The following STAU2 variants were observed in gnomAD, a reference collection of about 807,000 sequenced individuals.
STAU2 encodes double-stranded RNA-binding protein Staufen homolog 2.
A neutral mutation model predicts 65.9 loss-of-function variants in STAU2; 20 were observed. The observed-to-expected ratio is 0.30, with a 90% CI of 0.21 to 0.44. STAU2 has a LOEUF of 0.44. Among genes scored for constraint, STAU2 ranks in the 20% least tolerant of loss-of-function variants. The pLI, the probability that STAU2 is intolerant of heterozygous loss-of-function variation, is 1.00. For synonymous variants in STAU2, 232 were observed against 233.9 expected, an observed-to-expected ratio of 0.99 and a Z score of 0.07; for missense variants, 558 against 683.9, an observed-to-expected ratio of 0.82 and a Z score of 2.05.
At chr8:73,422,453 C>T (rs1271513966) in intron 14 of STAU2, among the ~76,000 whole-genome samples, 161 bp downstream of exon 14, 1 of 152,032 alleles carries the variant, frequency 6.6e-6, no homozygotes, top group Non-Finnish European at 1.5e-5. Context: ...ATGTATATGG[C>T]CATATATACT....
At chr8:73,706,403 C>T (rs1426192852) in intron 4 of STAU2, among the ~76,000 whole-genome samples, 2 of 152,126 alleles carry the variant, frequency 1.3e-5, no homozygotes, top group African/African-American at 4.8e-5. Context: ...AGGCATGAGT[C>T]ACCATGCCCA....
intron 14 of STAU2, among the ~76,000 whole-genome samples, chr8:73,421,929 T>C (rs1816406529): frequency 6.6e-6 from 1 of 151,662 alleles, no homozygotes; most frequent in African/African-American, 2.4e-5. Context: ...GAGGTTGAAT[T>C]CTACTATATA....
intron 13 of STAU2, among the ~76,000 whole-genome samples, chr8:73,448,471 C>T (rs918240938): frequency 2.0e-5 from 3 of 152,130 alleles, no homozygotes; most frequent in Non-Finnish European, 1.5e-5. Context: ...TTAGTAGAGA[C>T]GGGGTTTCAC....
At chr8:73,618,770 G>A (rs1340247577) in intron 6 of STAU2, among the ~76,000 whole-genome samples, 2 of 152,212 alleles carry the variant, frequency 1.3e-5, no homozygotes, top group African/African-American at 4.8e-5. Context: ...GAACTAGGGT[G>A]TAGCAATGGA....
At chr8:73,709,898 TAA>T (rs1820772721) in intron 3 of STAU2, among the ~76,000 whole-genome samples, 1 of 152,126 alleles carries the variant, frequency 6.6e-6, no homozygotes, top group African/African-American at 2.4e-5. Context: ...AGCATTATAA[TAA>T]ACATTCTCAC....
At chr8:73,506,255 TC>T (rs1448518121) in intron 13 of STAU2, among the ~76,000 whole-genome samples, 1 of 152,130 alleles carries the variant, frequency 6.6e-6, no homozygotes, top group African/African-American at 2.4e-5. Flanking sequence ...CCACAAAAGT[TC>T]CCCTGTGCAC....
intron 9 of STAU2, among the ~76,000 whole-genome samples, chr8:73,606,258 C>G (rs972534294): frequency 6.6e-6 from 1 of 151,574 alleles, no homozygotes; most frequent in Non-Finnish European, 1.5e-5. Flanking sequence ...CATAATAAAT[C>G]TTCAAAATTA....
At chr8:73,742,676 AG>A (rs1166853724) in intron 1 of STAU2, among the ~76,000 whole-genome samples, 1 of 152,040 alleles carries the variant, frequency 6.6e-6, no homozygotes, top group Non-Finnish European at 1.5e-5. Context: ...ATATGAAGAC[AG>A]GCAATTCTAG....
rs146757788 is a variant in STAU2 at position 73,667,759 on chromosome 8, A to T, written c.410+5348T>A. Among the ~76,000 whole-genome samples, 72 of 152,312 alleles carry T rather than the reference A, an allele frequency of 4.7e-4. No individual in the cohort carries two copies. The East Asian group carries it at 7.5e-3, about 16-fold the overall frequency. ...TGTGGCAATGAGTAGGCATGCAATA[A>T]ATGTCTGCTGAATGAAGATGACCTC... On this transcript the variant is annotated intron_variant, in intron 6 of 14. Transcript: ENST00000524300.
chr8:73,572,508 C>T (rs1421706584), intron 12 of STAU2, among the ~76,000 whole-genome samples: 1 of 152,192 alleles, frequency 6.6e-6, no homozygotes, highest in Admixed American at 6.5e-5. Flanking sequence ...CAATAAAATA[C>T]TGGCAAACCG....
intron 4 of STAU2, among the ~76,000 whole-genome samples, chr8:73,689,381 C>A (rs1819167787): frequency 6.6e-6 from 1 of 152,210 alleles, no homozygotes; most frequent in Admixed American, 6.5e-5. Context: ...CCAACTGGAT[C>A]CAGCCTTTCA....
At chr8:73,455,756 G>T (rs1189903957) in intron 13 of STAU2, among the ~76,000 whole-genome samples, 2 of 151,994 alleles carry the variant, frequency 1.3e-5, no homozygotes. Context: ...ATCTGTTATA[G>T]TTTTTTTTAT....
intron 13 of STAU2, among the ~76,000 whole-genome samples, chr8:73,522,266 C>T: frequency 6.6e-6 from 1 of 152,148 alleles, no homozygotes. Context: ...TACTTAGTAA[C>T]ATCTAAAAGT....
chr8:73,713,623 G>A (rs1013915418), intron 3 of STAU2, among the ~76,000 whole-genome samples: 6 of 152,040 alleles, frequency 3.9e-5, no homozygotes, highest in Non-Finnish European at 7.4e-5. Context: ...TATAGACACA[G>A]GAGAAAGCAC....
At chr8:73,521,232 T>C (rs912164477) in intron 13 of STAU2, among the ~76,000 whole-genome samples, 2 of 152,180 alleles carry the variant, frequency 1.3e-5, no homozygotes, top group Non-Finnish European at 2.9e-5. Context: ...ACTAGAATAC[T>C]CATTAGATTT....
At chr8:73,591,461 A>C (rs1213927098) in intron 11 of STAU2, among the ~76,000 whole-genome samples, 1 of 152,192 alleles carries the variant, frequency 6.6e-6, no homozygotes, top group East Asian at 1.9e-4. Context: ...AACAAGACCC[A>C]ATTATATGCT....
At chr8:73,627,775 T>C (rs996598791) in intron 6 of STAU2, among the ~76,000 whole-genome samples, 1 of 146,298 alleles carries the variant, frequency 6.8e-6, no homozygotes, top group Non-Finnish European at 1.5e-5. Flanking sequence ...AAAAAAACAC[T>C]GACAGTGTGG....
At chr8:73,504,829 G>A (rs935190766) in intron 13 of STAU2, among the ~76,000 whole-genome samples, 2 of 152,028 alleles carry the variant, frequency 1.3e-5, no homozygotes, top group Admixed American at 6.6e-5. Context: ...CTTTCAAGCA[G>A]TTAGTATTCA....
At chr8:73,651,736 C>T (rs964949181) in intron 6 of STAU2, 10 of 434,250 alleles carry the variant, frequency 2.3e-5, no homozygotes, top group Non-Finnish European at 3.9e-5. Context: ...TGGGACCAGC[C>T]CTGTCCACGG....
Sources: allele counts gnomAD v4.1 joint callset (sites outside exome capture counted in the v4.1 genomes callset), GRCh38; gene constraint gnomAD v4.1.1; transcripts MANE v1.5; gene names NCBI Gene and HGNC (gene_info 2026-07-23, HGNC 2026-07-21).